EAPP: variants seen among roughly 807,000 people sequenced by gnomAD.
EAPP encodes the protein E2F associated phosphoprotein.
Under a neutral mutation model 34.3 loss-of-function variants are expected in EAPP, and 38 were observed. The ratio of observed to expected loss-of-function variants is 1.11; its 90% CI spans 0.85 to 1.45. EAPP has a LOEUF of 1.45. EAPP is among the 40% of genes most tolerant of loss of function. EAPP has a pLI of 0.00. For missense variants in EAPP, 338 were observed against 343.7 expected (o/e 0.98, Z 0.13); for synonymous variants, 113 against 117.6 (o/e 0.96, Z 0.25).
chr14:34,533,522 C>T lies in EAPP; in HGVS notation c.274G>A (p.Gly92Arg). The change falls in exon 3 of 6, where the codon GGA becomes AGA. Residue 92 changes from glycine to arginine, a missense_variant. Transcript: ENST00000250454. ...SLGTGSSSGN[G>R]KVATAPTRYY... The stretch of plus-strand genomic sequence containing the variant: ...CTTGTCGGAGCTGTTGCAACTTTTC[C>T]ATTTCCTGAGGAAGATCCTATTCAA... 6.3e-7 allele frequency: 1 copy of T among 1,591,068 alleles called. No individual in the cohort carries two copies. Among genetic ancestry groups the T allele is most frequent in the South Asian group, 1.1e-5 (1 of 87,036 alleles).
chr14:34,518,579 C>G (rs1019681419), intron 5 of EAPP, among the ~76,000 whole-genome samples: 2 of 152,218 alleles, frequency 1.3e-5, no homozygotes, highest in South Asian at 2.1e-4. Context: ...GATCCACCAA[C>G]CTCGGCCTCC....
intron 3 of EAPP, 34 bp downstream of exon 3, chr14:34,533,410 T>C (rs1401314957): frequency 6.6e-7 from 1 of 1,517,466 alleles, no homozygotes; most frequent in East Asian, 2.3e-5. Flanking sequence ...TTTTATAAAA[T>C]ATAACTGCTA....
At chr14:34,531,830 A>G (rs1329835880) in intron 3 of EAPP, among the ~76,000 whole-genome samples, 2 of 151,894 alleles carry the variant, frequency 1.3e-5, no homozygotes, top group Non-Finnish European at 2.9e-5. Context: ...TAATCCCAAC[A>G]CTTTGGGAGG....
At chr14:34,538,983 A>G (rs533232434) in intron 1 of EAPP, among the ~76,000 whole-genome samples, 1 of 152,266 alleles carries the variant, frequency 6.6e-6, no homozygotes, top group South Asian at 2.1e-4. Context: ...CCCTTATTAT[A>G]CTATAAGCCT....
At chr14:34,522,644 T>C (rs139344285) in intron 5 of EAPP, among the ~76,000 whole-genome samples, 37 of 152,322 alleles carry the variant, frequency 2.4e-4, no homozygotes, top group Non-Finnish European at 4.1e-4. Context: ...CACTACGTCA[T>C]TGCTTCCTTT....
At chr14:34,530,080 A>G (rs1721932649) in intron 3 of EAPP, among the ~76,000 whole-genome samples, 1 of 151,988 alleles carries the variant, frequency 6.6e-6, no homozygotes, top group African/African-American at 2.4e-5. Context: ...GGCACCTACA[A>G]TCCCAGCTAC....
Position 34,539,603 on chromosome 14 carries a change from T to C in EAPP, c.26A>G (p.Asp9Gly), listed in dbSNP as rs1180284441. ...GCTAGGCTCTTCAACCGCGTAGGGG[T>C]CGTAGTCATCCGGAAGCCGGTTCAT... is the stretch of plus-strand genomic sequence containing the variant. MNRLPDDYDPYAVEEPSDE... is the reference protein window; with the variant it reads MNRLPDDYGPYAVEEPSDE... Residue 9 changes from aspartate to glycine, a missense_variant, in exon 1 of 6, where the codon GAC becomes GGC. Coordinates refer to ENST00000250454, the MANE Select transcript of EAPP (RefSeq NM_018453.4). The C allele has an allele frequency of 8.2e-6, 13 of 1,583,908 alleles. No homozygotes were observed. Among genetic ancestry groups the C allele is most frequent in the Non-Finnish European group, 1.1e-5 (13 of 1,163,672 alleles).
At chr14:34,537,791 G>A (rs1011199869) in intron 1 of EAPP, among the ~76,000 whole-genome samples, 1 of 152,240 alleles carries the variant, frequency 6.6e-6, no homozygotes, top group African/African-American at 2.4e-5. Context: ...TGATGCTCAT[G>A]CTGCTTGCTG....
At position 34,516,348 on chromosome 14, in the gene EAPP, C is replaced by T; in HGVS notation, c.820G>A (p.Val274Ile). The T allele has an allele frequency of 2.5e-6, 4 of 1,613,522 alleles. No individual in the cohort carries two copies. Among genetic ancestry groups the T allele is most frequent in the Non-Finnish European group, 3.4e-6 (4 of 1,179,758 alleles). Reference protein sequence around the residue: ...TEVAVYDKDEVFHFFNVLASH... With the variant: ...TEVAVYDKDEIFHFFNVLASH... Reference sequence around the variant, plus strand: ...GCTAAAACATTGAAAAAATGAAAGACTTCATCCTTGTCGTAGACTGCCACT... The same window carrying T: ...GCTAAAACATTGAAAAAATGAAAGATTTCATCCTTGTCGTAGACTGCCACT... Residue 274 changes from valine (V) to isoleucine (I), a missense_variant, in exon 6 of 6, where the codon GTC becomes ATC. By Grantham distance (29) the Val-to-Ile change is conservative. Coordinates refer to ENST00000250454, the MANE Select transcript of EAPP (RefSeq NM_018453.4).
At chr14:34,521,078 T>C (rs572230472) in intron 5 of EAPP, among the ~76,000 whole-genome samples, 52 of 152,204 alleles carry the variant, frequency 3.4e-4, no homozygotes, top group African/African-American at 1.2e-3. Flanking sequence ...ATTATAATTA[T>C]TATTTTTGAG....
chr14:34,535,894 A>G, intron 2 of EAPP, 200 bp downstream of exon 2: 2 of 496,840 alleles, frequency 4.0e-6, no homozygotes, highest in Non-Finnish European at 6.9e-6. Flanking sequence ...GAGACATTGA[A>G]TCTAAAGTAA....
At chr14:34,522,310 T>C (rs574611485) in intron 5 of EAPP, among the ~76,000 whole-genome samples, 45 of 152,284 alleles carry the variant, frequency 3.0e-4, no homozygotes, top group Admixed American at 2.7e-3. Context: ...AATTTCTGAA[T>C]TGCCTGGGCT....
At chr14:34,526,552 T>G (rs1031151293) in intron 4 of EAPP, among the ~76,000 whole-genome samples, 1 of 149,618 alleles carries the variant, frequency 6.7e-6, no homozygotes, top group Non-Finnish European at 1.5e-5. Context: ...GGTGAAACCC[T>G]GTCTCTATAA....
chr14:34,534,503 A>T (rs570497342), intron 2 of EAPP, among the ~76,000 whole-genome samples: 3 of 152,218 alleles, frequency 2.0e-5, no homozygotes, highest in Non-Finnish European at 4.4e-5. Context: ...ATCAAAATGA[A>T]CTATGTTTCA....
chr14:34,530,129 G>A (rs758603747), intron 3 of EAPP, among the ~76,000 whole-genome samples: 5 of 152,230 alleles, frequency 3.3e-5, no homozygotes, highest in African/African-American at 4.8e-5. Context: ...GAACCCAGGC[G>A]GTGGAGGGTG....
At position 34,525,580 on chromosome 14, in the gene EAPP, G is replaced by A. The variant is rs4982187; in HGVS notation, c.471-773C>T. Among the ~76,000 whole-genome samples, 217 of 152,242 alleles carry A rather than the reference G, an allele frequency of 1.4e-3. 1 individual carries two copies. The highest frequency in any genetic ancestry group is 4.8e-3 in the African/African-American group (198 of 41,566). ...ATTAAGGGCACTGAAAACAAGGAAA[G>A]TCTAAGAAACTGACAGAGTCAAGAA... On this transcript the variant is annotated intron_variant, in intron 4 of 5. Coordinates refer to ENST00000250454, the MANE Select transcript of EAPP (RefSeq NM_018453.4).
In EAPP at chr14:34,516,489, T is replaced by C. The variant is rs754650838; in HGVS notation, c.679A>G (p.Lys227Glu). The C allele has an allele frequency of 1.2e-6, 2 of 1,614,186 alleles. No homozygotes were observed. Among genetic ancestry groups the C allele is most frequent in the South Asian group, 2.2e-5 (2 of 91,084 alleles). Residue 227 changes from lysine (K) to glutamate (E), a missense_variant, in exon 6 of 6, where the codon AAG becomes GAG. By Grantham distance (56) the Lys-to-Glu change is moderately conservative (BLOSUM62 1). Transcript: ENST00000250454. ...VLRYKASENR[K>E]KRRVHKKMRS... ...ATCTTCTTATGGACCCGCCTTTTCT[T>C]CCTGTTCTCTGAGGCTTTATATCTT...
intron 3 of EAPP, among the ~76,000 whole-genome samples, chr14:34,531,665 A>G (rs982204351): frequency 6.6e-6 from 1 of 152,214 alleles, no homozygotes; most frequent in Non-Finnish European, 1.5e-5. Flanking sequence ...GTAACAATGC[A>G]TAAAAGTATA....
intron 5 of EAPP, among the ~76,000 whole-genome samples, chr14:34,518,582 C>T (rs965020558): frequency 1.3e-5 from 2 of 151,900 alleles, no homozygotes; most frequent in African/African-American, 2.4e-5. Flanking sequence ...CCACCAACCT[C>T]GGCCTCCTGA....
Sources: allele counts gnomAD v4.1 joint callset (sites outside exome capture counted in the v4.1 genomes callset), GRCh38; gene constraint gnomAD v4.1.1; transcripts MANE v1.5; gene names NCBI Gene and HGNC (gene_info 2026-07-23, HGNC 2026-07-21).